The following DLG2 variants were observed in gnomAD, a reference collection of about 807,000 sequenced individuals.
DLG2 encodes the protein disks large homolog 2.
Under a neutral mutation model 132.5 loss-of-function variants are expected in DLG2, and 45 were observed. The ratio of observed to expected loss-of-function variants is 0.34; its 90% CI spans 0.27 to 0.44. DLG2 has a LOEUF of 0.44. DLG2 is among the 20% of genes least tolerant of loss of function. The pLI is 1.00. For synonymous variants in DLG2, 424 were observed against 419.6 expected, an observed-to-expected ratio of 1.01 and a Z score of -0.13; for missense variants, 1,045 against 1,196.9, an observed-to-expected ratio of 0.87 and a Z score of 1.87.
At chr11:84,148,266 A>T (rs1247482625) in intron 9 of DLG2, among the ~76,000 whole-genome samples, 2 of 152,146 alleles carry the variant, frequency 1.3e-5, no homozygotes, top group Non-Finnish European at 2.9e-5. Flanking sequence ...CAGGTTTGTT[A>T]TAAAGGCATA....
intron 19 of DLG2, among the ~76,000 whole-genome samples, chr11:83,605,431 C>T (rs564170634): frequency 6.6e-6 from 1 of 152,216 alleles, no homozygotes; most frequent in Admixed American, 6.5e-5. Flanking sequence ...ACATAAATGT[C>T]CCAACTAATT....
chr11:83,616,824 T>C (rs1039123272), intron 19 of DLG2, among the ~76,000 whole-genome samples: 2 of 152,188 alleles, frequency 1.3e-5, no homozygotes, highest in South Asian at 2.1e-4. Context: ...TTTTTGTGTA[T>C]AGTGTGAGGT....
intron 6 of DLG2, among the ~76,000 whole-genome samples, chr11:84,934,357 G>C (rs889040772): frequency 1.3e-5 from 2 of 151,698 alleles, no homozygotes; most frequent in African/African-American, 2.4e-5. Context: ...CTTTTTGCTA[G>C]GTTTGGGTAT....
At chr11:84,121,598 G>T (rs2093919711) in intron 9 of DLG2, among the ~76,000 whole-genome samples, 1 of 122,660 alleles carries the variant, frequency 8.2e-6, no homozygotes, top group African/African-American at 3.2e-5. Flanking sequence ...GTCTCGCTCT[G>T]TGGCCCAGGC....
chr11:85,199,438 TAGA>T (rs1399989822), intron 4 of DLG2, among the ~76,000 whole-genome samples: 5 of 152,216 alleles, frequency 3.3e-5, no homozygotes, highest in Non-Finnish European at 7.3e-5. Context: ...CCCAGGGTGA[TAGA>T]AGTTTATGGT....
chr11:84,576,607 C>G (rs2099500739), intron 6 of DLG2, among the ~76,000 whole-genome samples: 2 of 152,140 alleles, frequency 1.3e-5, no homozygotes, highest in South Asian at 4.1e-4. Flanking sequence ...AAAGACAATT[C>G]AGGCAGAGGC....
intron 4 of DLG2, among the ~76,000 whole-genome samples, chr11:85,209,328 T>C (rs1246080739): frequency 2.0e-5 from 3 of 151,746 alleles, no homozygotes; most frequent in African/African-American, 7.3e-5. Context: ...GTATAGATTC[T>C]TCTTGTACTA....
intron 6 of DLG2, among the ~76,000 whole-genome samples, chr11:84,721,546 CA>C (rs5793137): frequency 0.087 from 11,940 of 137,184 alleles, 521 homozygotes; most frequent in Middle Eastern, 0.11. Flanking sequence ...GCAGAAAGAC[CA>C]AAAAAAAAAA....
rs2098799033 is a variant in DLG2 at position 84,393,220 on chromosome 11, A to G, written c.519+141350T>C. ...TTACTTTAAAGAAATAACACAAAAC[A>G]TGAAGAAAAACTTGTATAGCAAAGA... On this transcript the variant is annotated intron_variant, in intron 7 of 27. Transcript: ENST00000376104. Among the ~76,000 whole-genome samples the G allele has an allele frequency of 2.0e-5, 3 of 152,162 alleles. No individual in the cohort carries two copies. The South Asian group carries it at 6.2e-4, about 31-fold the overall frequency.
At chr11:85,426,607 C>A (rs1195238066) in intron 3 of DLG2, among the ~76,000 whole-genome samples, 1 of 152,104 alleles carries the variant, frequency 6.6e-6, no homozygotes, top group Non-Finnish European at 1.5e-5. Context: ...AAAGGACATC[C>A]ACACCAAAAC....
chr11:85,101,154 C>A lies in DLG2; in HGVS notation c.357+10507G>T, dbSNP rs779008722. 4.1e-4 allele frequency among the ~76,000 whole-genome samples: 62 copies of A among 152,022 alleles called. 1 individual carries two copies. The highest frequency in any genetic ancestry group is 2.0e-4 in the Admixed American group (3 of 15,234). On this transcript the variant is annotated intron_variant, in intron 6 of 27. Transcript: ENST00000376104. Reference sequence around the variant, plus strand: ...CTTTTAACACTTCTTTCTTTCCAAGCTGTCAGATGCCATTTCTCTTGACTG... The same window carrying A: ...CTTTTAACACTTCTTTCTTTCCAAGATGTCAGATGCCATTTCTCTTGACTG...
chr11:85,392,025 A>G (rs2086839853), intron 3 of DLG2, among the ~76,000 whole-genome samples: 1 of 152,140 alleles, frequency 6.6e-6, no homozygotes, highest in Non-Finnish European at 1.5e-5. Flanking sequence ...ATGTGATTAC[A>G]TACCTAGAAA....
chr11:83,626,013 A>T lies in DLG2; in HGVS notation c.1940+7198T>A, dbSNP rs564014552. Among the ~76,000 whole-genome samples the T allele has an allele frequency of 1.3e-3, 194 of 152,332 alleles. 1 individual carries two copies. The highest frequency in any genetic ancestry group is 4.5e-3 in the African/African-American group (188 of 41,584). The stretch of plus-strand genomic sequence containing the variant: ...TAATTCATTTAACAAACGTTTCCTA[A>T]GGAGAATTCTTTATGCCAAGCACTG... On this transcript the variant is annotated intron_variant, in intron 19 of 27. Coordinates refer to ENST00000376104, the MANE Select transcript of DLG2 (RefSeq NM_001142699.3).
chr11:84,236,910 G>T (rs2097164743), intron 8 of DLG2, among the ~76,000 whole-genome samples: 1 of 150,948 alleles, frequency 6.6e-6, no homozygotes, highest in African/African-American at 2.4e-5. Context: ...TCCTGGGGTT[G>T]AAGCATCAGT....
chr11:84,499,004 T>C (rs1289973002), intron 7 of DLG2, among the ~76,000 whole-genome samples: 1 of 152,202 alleles, frequency 6.6e-6, no homozygotes, highest in Non-Finnish European at 1.5e-5. Context: ...CTACAGTTTA[T>C]GCTTCTTAGC....
At chr11:85,549,644 A>G (rs2076548469) in intron 3 of DLG2, among the ~76,000 whole-genome samples, 1 of 152,176 alleles carries the variant, frequency 6.6e-6, no homozygotes, top group Non-Finnish European at 1.5e-5. Flanking sequence ...TAGGCATTCT[A>G]CCAGGATGAG....
intron 6 of DLG2, among the ~76,000 whole-genome samples, chr11:84,753,767 C>T (rs2066490566): frequency 6.6e-6 from 1 of 152,128 alleles, no homozygotes; most frequent in African/African-American, 2.4e-5. Flanking sequence ...AAGGCTAAGC[C>T]TTGGTCAACA....
intron 9 of DLG2, among the ~76,000 whole-genome samples, chr11:84,149,846 C>T (rs1397299047): frequency 6.6e-6 from 1 of 152,044 alleles, no homozygotes; most frequent in East Asian, 1.9e-4. Flanking sequence ...CAGCCTCCAC[C>T]TCCCGGGTTC....
intron 17 of DLG2, among the ~76,000 whole-genome samples, chr11:83,819,768 T>C (rs1486062641): frequency 6.6e-6 from 1 of 152,112 alleles, no homozygotes; most frequent in Non-Finnish European, 1.5e-5. Flanking sequence ...AGATTAACTA[T>C]TGACCTTTTC....
Sources: gnomAD v4.1 joint callset for allele counts (sites outside exome capture counted in the v4.1 genomes callset) on GRCh38, gnomAD v4.1.1 for gene constraint, MANE v1.5 for transcripts, NCBI Gene and HGNC (gene_info 2026-07-23, HGNC 2026-07-21) for gene names.